DZIP1: variants seen among roughly 807,000 people sequenced by gnomAD.
DZIP1 encodes the protein cilium assembly protein DZIP1.
In DZIP1, 97 loss-of-function variants were observed where a neutral mutation model predicts 107.6. The observed-to-expected ratio is 0.90, with a 90% CI of 0.77 to 1.07. The LOEUF (loss-of-function observed/expected upper bound fraction) is 1.07, where lower values mean the gene tolerates loss of function less well. Ranked by LOEUF, DZIP1 falls within the 50% of genes least tolerant of loss-of-function variation. The pLI, the probability that DZIP1 is intolerant of heterozygous loss-of-function variation, is 0.00. For synonymous variants in DZIP1, 390 were observed against 386.4 expected (o/e 1.01, Z -0.11); for missense variants, 1,035 against 1,063.6 (o/e 0.97, Z 0.37).
chr13:95,596,906 A>C (rs1042214939), intron 15 of DZIP1, among the ~76,000 whole-genome samples: 7 of 152,256 alleles, frequency 4.6e-5, no homozygotes. Context: ...ATCTGCTGCC[A>C]GTATGTTAAC....
intron 14 of DZIP1, among the ~76,000 whole-genome samples, chr13:95,600,583 AGATAGAT>A (rs1178697957): frequency 1.2e-4 from 18 of 148,020 alleles, no homozygotes; most frequent in African/African-American, 1.3e-4. Flanking sequence ...AGAGATAGAT[AGATAGAT>A]GATAGATAGA....
chr13:95,633,620 A>C (rs1282767030), intron 5 of DZIP1, among the ~76,000 whole-genome samples: 1 of 148,538 alleles, frequency 6.7e-6, no homozygotes, highest in African/African-American at 2.5e-5. Context: ...CAGATGCTGC[A>C]GTGAGCTGAG....
At position 95,642,026 on chromosome 13, in the gene DZIP1, G is replaced by T; in HGVS notation, c.4C>A (p.Gln2Lys). 6.4e-7 allele frequency: 1 copy of T among 1,574,172 alleles called. No individual in the cohort carries two copies. M[Q>K]AEAADWFSSM... ...GAAAACCAATCCGCTGCCTCAGCTT[G>T]CATAGGAGGAGCCGGGCGGTCTTTA... Residue 2 changes from glutamine to lysine, a missense_variant, in exon 4 of 23, where the codon CAA (glutamine) becomes AAA (lysine). By Grantham distance (53) the Gln-to-Lys change is moderately conservative. Coordinates refer to ENST00000376829, the MANE Select transcript of DZIP1 (RefSeq NM_198968.4).
intron 14 of DZIP1, among the ~76,000 whole-genome samples, chr13:95,602,980 T>C (rs2138998795): frequency 6.6e-6 from 1 of 152,318 alleles, no homozygotes; most frequent in South Asian, 2.1e-4. Flanking sequence ...AGATGTAGAA[T>C]ACTTGCTTTG....
chr13:95,590,154 T>A, intron 17 of DZIP1, 125 bp downstream of exon 17: 1 of 1,084,970 alleles, frequency 9.2e-7, no homozygotes, highest in Non-Finnish European at 1.3e-6. Context: ...GCCAGTGAAG[T>A]GGCGAAGTTT....
intron 14 of DZIP1, among the ~76,000 whole-genome samples, chr13:95,604,153 G>A (rs1042709045): frequency 3.3e-5 from 5 of 152,190 alleles, no homozygotes; most frequent in Non-Finnish European, 7.3e-5. Flanking sequence ...CTGTCCAAGG[G>A]CACCCCCACC....
chr13:95,638,085 CTTTTTTT>C (rs57203833), intron 5 of DZIP1, among the ~76,000 whole-genome samples: 1 of 88,654 alleles, frequency 1.1e-5, no homozygotes, highest in Admixed American at 1.3e-4. Context: ...TGAGTTCAAT[CTTTTTTT>C]TTTTTTTTTT....
At chr13:95,633,159 A>C in intron 6 of DZIP1, 75 bp downstream of exon 6, 1 of 1,354,434 alleles carries the variant, frequency 7.4e-7, no homozygotes, top group Non-Finnish European at 1.1e-6. Context: ...TGGGAAATGC[A>C]CTGGACCAAG....
In DZIP1 at chr13:95,630,006, C is replaced by A; in HGVS notation, c.793G>T (p.Ala265Ser). 1 of 1,609,428 alleles carries A rather than the reference C, an allele frequency of 6.2e-7. No individual in the cohort carries two copies. Among genetic ancestry groups the A allele is most frequent in the South Asian group, 1.1e-5 (1 of 89,940 alleles). The change falls in exon 7 of 23, where the codon GCA becomes TCA. Residue 265 changes from alanine to serine, a missense_variant. Coordinates refer to ENST00000376829, the MANE Select transcript of DZIP1 (RefSeq NM_198968.4). ...SELEAAHHAS[A>S]VRFSKEYEMQ... ...CCTGGTACCTTGGAGAATCTGACTG[C>A]ACTGGCATGGTGTGCAGCCTCTAGC...
rs1166317771 is a variant in DZIP1 at position 95,612,067 on chromosome 13, C to G, written c.1284G>C (p.Gln428His). The G allele has an allele frequency of 6.2e-7, 1 of 1,613,806 alleles. No individual in the cohort carries two copies. The highest frequency in any genetic ancestry group is 2.2e-5 in the East Asian group (1 of 44,890). Reference protein sequence around the residue: ...IEELGQRLQEQNELIITQRQQ... With the variant: ...IEELGQRLQEHNELIITQRQQ... ...GTCTCTGAGTTATAATCAGCTCATTCTGCTCCTGGAGTCTCTGCCCTAGCT... is the reference window on the plus strand; with the variant it reads ...GTCTCTGAGTTATAATCAGCTCATTGTGCTCCTGGAGTCTCTGCCCTAGCT... The change falls in exon 11 of 23, where the codon CAG (glutamine) becomes CAC (histidine). Residue 428 changes from glutamine to histidine, a missense_variant. Physicochemically the swap from Gln to His is conservative, Grantham distance 24. Transcript: ENST00000376829.
intron 10 of DZIP1, among the ~76,000 whole-genome samples, chr13:95,613,997 T>C (rs1208523949): frequency 6.6e-6 from 1 of 151,924 alleles, no homozygotes; most frequent in African/African-American, 2.4e-5. Flanking sequence ...GTGGTGGGGT[T>C]AGCCTGTAGT....
chr13:95,591,352 A>G (rs1291448862), intron 16 of DZIP1, among the ~76,000 whole-genome samples: 1 of 152,244 alleles, frequency 6.6e-6, no homozygotes, highest in Non-Finnish European at 1.5e-5. Flanking sequence ...CTATGAAAAT[A>G]GCATAATTAA....
In DZIP1 at chr13:95,641,966, G is replaced by C; in HGVS notation, c.36+28C>G. The stretch of plus-strand genomic sequence containing the variant: ...TTCTCCCCAGCCCGGCATCCCCGTC[G>C]GGGGCGCCCCGGCCTCCCGCCTCTT... On this transcript the variant is annotated intron_variant, in intron 4 of 22. Transcript: ENST00000376829. The surrounding 1 kb of genome is among the most constrained non-coding windows in gnomAD (Gnocchi z 4.3). 2.5e-6 allele frequency: 4 copies of C among 1,571,920 alleles called. No individual in the cohort carries two copies. Among genetic ancestry groups the C allele is most frequent in the Non-Finnish European group, 2.6e-6 (3 of 1,164,666 alleles).
intron 16 of DZIP1, 88 bp from the exon 17 acceptor site, chr13:95,590,529 A>C (rs1334458645): frequency 1.0e-5 from 14 of 1,349,338 alleles, no homozygotes; most frequent in Non-Finnish European, 1.4e-5. Flanking sequence ...CCAACATTTC[A>C]ATCCATCCTT....
At chr13:95,642,290 G>T (rs1335099341) in intron 3 of DZIP1, 49 bp from the exon 4 acceptor site, 6 of 426,994 alleles carry the variant, frequency 1.4e-5, no homozygotes, top group Non-Finnish European at 2.4e-5. Flanking sequence ...GGACACAGCC[G>T]TTCACCCGAA....
rs192876837 is a variant in DZIP1, at chr13:95,616,194, G to C, written c.1173+3691C>G. On this transcript the variant is annotated intron_variant, in intron 10 of 22. Coordinates refer to ENST00000376829, the MANE Select transcript of DZIP1 (RefSeq NM_198968.4). ...CTGCCATAGATAAAATATGCTGGGA[G>C]GTGAACGCCATCGTCCTAACTACAT... 1.8e-3 allele frequency among the ~76,000 whole-genome samples: 274 copies of C among 152,304 alleles called. 1 individual carries two copies. Among genetic ancestry groups the C allele is most frequent in the African/African-American group, 6.3e-3 (263 of 41,566 alleles).
intron 19 of DZIP1, among the ~76,000 whole-genome samples, chr13:95,588,945 C>T (rs2044237579): frequency 6.6e-6 from 1 of 152,048 alleles, no homozygotes; most frequent in Non-Finnish European, 1.5e-5. Context: ...TTAATGGAGT[C>T]CACATGTGGT....
intron 10 of DZIP1, 124 bp from the exon 11 acceptor site, chr13:95,612,301 C>T (rs909202615): frequency 1.3e-5 from 14 of 1,087,500 alleles, no homozygotes; most frequent in Admixed American, 7.9e-5. Context: ...CGCATCAAGT[C>T]GTTGAATAAA....
At chr13:95,628,517 A>G (rs1876824650) in intron 7 of DZIP1, among the ~76,000 whole-genome samples, 1 of 152,196 alleles carries the variant, frequency 6.6e-6, no homozygotes, top group South Asian at 2.1e-4. Context: ...AATATTGTGA[A>G]TACACTAAAC....
Sources: gnomAD v4.1 joint callset for allele counts (sites outside exome capture counted in the v4.1 genomes callset) on GRCh38, gnomAD v4.1.1 for gene constraint, Gnocchi (gnomAD v3.1) non-coding constraint, MANE v1.5 for transcripts, NCBI Gene and HGNC (gene_info 2026-07-23, HGNC 2026-07-21) for gene names.